The following NELL2 variants were observed in gnomAD, a reference collection of about 807,000 sequenced individuals.
NELL2 encodes the protein protein kinase C-binding protein NELL2.
Under a neutral mutation model 109.6 loss-of-function variants are expected in NELL2, and 41 were observed. The observed-to-expected ratio is 0.37, with a 90% confidence interval of 0.29 to 0.49. The LOEUF is 0.49. NELL2 is among the 20% of genes least tolerant of loss of function. NELL2 has a pLI of 0.98. For missense variants in NELL2, 900 were observed against 1,008.3 expected, an observed-to-expected ratio of 0.89 and a Z score of 1.45; for synonymous variants, 355 against 344.7, an observed-to-expected ratio of 1.03 and a Z score of -0.33.
upstream of NELL2, among the ~76,000 whole-genome samples, chr12:44,915,351 T>C (rs1169832307): frequency 1.3e-5 from 2 of 152,214 alleles, no homozygotes; most frequent in East Asian, 3.8e-4. Flanking sequence ...GAATCAGTAA[T>C]TTTTCATTGC....
chr12:44,574,187 T>A (rs1943978978), intron 15 of NELL2, among the ~76,000 whole-genome samples: 1 of 152,008 alleles, frequency 6.6e-6, no homozygotes, highest in Admixed American at 6.6e-5. Flanking sequence ...CACTGCAACC[T>A]CCAGCCCCCT....
chr12:44,561,975 T>A (rs549028177), intron 15 of NELL2, among the ~76,000 whole-genome samples: 1 of 152,212 alleles, frequency 6.6e-6, no homozygotes, highest in South Asian at 2.1e-4. Context: ...AACAGATATA[T>A]AGACCAATGG....
At chr12:44,705,477 A>ATTTAAAAAGTACG in intron 11 of NELL2, among the ~76,000 whole-genome samples, 1 of 152,322 alleles carries the variant, frequency 6.6e-6, no homozygotes, top group Non-Finnish European at 1.5e-5. Flanking sequence ...AAGGCTGTAC[A>ATTTAAAAAGTACG]TTTAAAAGTA....
intron 15 of NELL2, among the ~76,000 whole-genome samples, chr12:44,580,422 C>G (rs1474845271): frequency 6.6e-6 from 1 of 152,010 alleles, no homozygotes; most frequent in Non-Finnish European, 1.5e-5. Context: ...AGAAGTAGGA[C>G]AGATGTCATT....
chr12:44,906,416 G>A (rs1945719849), intron 1 of NELL2, among the ~76,000 whole-genome samples: 1 of 152,144 alleles, frequency 6.6e-6, no homozygotes, highest in Non-Finnish European at 1.5e-5. Flanking sequence ...CTTAATTCTG[G>A]CTGATATGTT....
At chr12:44,719,569 TAA>T (rs1044528829) in intron 9 of NELL2, among the ~76,000 whole-genome samples, 1 of 152,292 alleles carries the variant, frequency 6.6e-6, no homozygotes, top group African/African-American at 2.4e-5. Context: ...CTTACAAAAT[TAA>T]AAGTTATAAA....
At chr12:44,670,770 C>T (rs904446175) in intron 12 of NELL2, among the ~76,000 whole-genome samples, 11 of 151,906 alleles carry the variant, frequency 7.2e-5, no homozygotes, top group South Asian at 2.1e-4. Context: ...TAATTGTATA[C>T]GCACCTAACA....
chr12:44,880,620 TAA>T (rs1160857058), upstream of NELL2, among the ~76,000 whole-genome samples: 2 of 152,050 alleles, frequency 1.3e-5, no homozygotes, highest in Non-Finnish European at 2.9e-5. Context: ...AAATAACATT[TAA>T]AAGTTTTCAA....
intron 1 of NELL2, among the ~76,000 whole-genome samples, chr12:44,908,421 G>C (rs1039323202): frequency 2.6e-5 from 4 of 151,926 alleles, no homozygotes; most frequent in African/African-American, 9.7e-5. Flanking sequence ...AAACTGGAAA[G>C]ATAAGAGTTT....
chr12:44,577,469 T>G (rs1326650452), intron 15 of NELL2, among the ~76,000 whole-genome samples: 1 of 120,990 alleles, frequency 8.3e-6, no homozygotes, highest in Non-Finnish European at 1.7e-5. Flanking sequence ...TGAGTAGTTT[T>G]TTTTTTTTTT....
intron 13 of NELL2, among the ~76,000 whole-genome samples, chr12:44,621,772 A>G (rs1946070601): frequency 6.6e-6 from 1 of 152,152 alleles, no homozygotes. Context: ...AAAATAAAGT[A>G]AATAAACATT....
chr12:44,771,348 A>T (rs11182666), intron 9 of NELL2, among the ~76,000 whole-genome samples: 60,716 of 147,662 alleles, frequency 0.41, 12,846 homozygotes, highest in Non-Finnish European at 0.48. Flanking sequence ...GGTTTTTTTA[A>T]AAAAAAAAAA....
intron 3 of NELL2, among the ~76,000 whole-genome samples, chr12:44,802,713 T>A (rs1037583610): frequency 6.6e-6 from 1 of 152,106 alleles, no homozygotes; most frequent in Non-Finnish European, 1.5e-5. Context: ...GTTACCATTT[T>A]TTAGGAATAC....
chr12:44,914,910 C>T (rs74611181), upstream of NELL2, among the ~76,000 whole-genome samples: 16 of 151,528 alleles, frequency 1.1e-4, no homozygotes, highest in East Asian at 2.3e-3. Flanking sequence ...AGTGCAGTGG[C>T]GTGATCTCGG....
intron 13 of NELL2, among the ~76,000 whole-genome samples, chr12:44,664,150 A>G (rs565041455): frequency 1.2e-4 from 19 of 152,138 alleles, no homozygotes; most frequent in African/African-American, 4.3e-4. Context: ...TTGTTCTTTT[A>G]TATTCTTTTT....
chr12:44,603,212 A>G (rs1945282871), intron 15 of NELL2, among the ~76,000 whole-genome samples: 2 of 152,208 alleles, frequency 1.3e-5, no homozygotes, highest in Admixed American at 1.3e-4. Flanking sequence ...GCACAGAAAA[A>G]AAAAGCATTT....
At chr12:44,798,207 A>G (rs1015607126) in intron 3 of NELL2, among the ~76,000 whole-genome samples, 7 of 151,822 alleles carry the variant, frequency 4.6e-5, no homozygotes, top group Middle Eastern at 3.5e-3. Context: ...GTGATTTCAT[A>G]GAAAATCATT....
rs550199573 is a variant in NELL2 at position 44,558,883 on chromosome 12, G to A, written c.1664-26162C>T. On this transcript the variant is annotated intron_variant, in intron 15 of 19. Coordinates refer to ENST00000429094, the MANE Select transcript of NELL2 (RefSeq NM_001145108.2). ...AGGGAGCCAAGTGGTCTAGCTCAGCGGATCCCACTCCCATGGAGCCCAGCA... is the reference window on the plus strand; with the variant it reads ...AGGGAGCCAAGTGGTCTAGCTCAGCAGATCCCACTCCCATGGAGCCCAGCA... Among the ~76,000 whole-genome samples the A allele has an allele frequency of 5.3e-5, 8 of 152,232 alleles. No homozygotes were observed. In the South Asian group the frequency reaches 8.3e-4, roughly 16 times the overall value.
intron 16 of NELL2, among the ~76,000 whole-genome samples, chr12:44,524,684 T>C (rs1035392469): frequency 1.3e-5 from 2 of 152,114 alleles, no homozygotes; most frequent in African/African-American, 4.8e-5. Context: ...TTTTTTTCTA[T>C]TTGCCTTGAT....
Sources: allele counts gnomAD v4.1 joint callset (sites outside exome capture counted in the v4.1 genomes callset), GRCh38; gene constraint gnomAD v4.1.1; transcripts MANE v1.5; gene names NCBI Gene and HGNC (gene_info 2026-07-23, HGNC 2026-07-21).